ZNF676: variants seen among roughly 807,000 people sequenced by gnomAD.
The protein encoded by ZNF676 is zinc finger protein 676.
Under a neutral mutation model 6.0 loss-of-function variants are expected in ZNF676, and 4 were observed. The ratio of observed to expected loss-of-function variants is 0.67; its 90% CI spans 0.33 to 1.53. The LOEUF is 1.53. Ranked by LOEUF, ZNF676 falls within the 40% of genes most tolerant of loss-of-function variation. ZNF676 has a pLI of 0.06. For synonymous variants in ZNF676, 198 were observed against 223.1 expected, an observed-to-expected ratio of 0.89 and a Z score of 1.00; for missense variants, 644 against 679.7, an observed-to-expected ratio of 0.95 and a Z score of 0.58.
At chr19:22,190,731 A>G (rs1349251230) in intron 2 of ZNF676, among the ~76,000 whole-genome samples, 1 of 144,298 alleles carries the variant, frequency 6.9e-6, no homozygotes, top group African/African-American at 2.5e-5. Flanking sequence ...ATTACTGTAA[A>G]CTAATAAAGG....
At chr19:22,240,180 G>A in the ZNF676 span, among the ~76,000 whole-genome samples, 1 of 152,188 alleles carries the variant, frequency 6.6e-6, no homozygotes, top group African/African-American at 2.4e-5. Context: ...TGGGACCAAA[G>A]ATATGTATCA....
the ZNF676 span, among the ~76,000 whole-genome samples, chr19:22,249,143 G>A: frequency 6.6e-6 from 1 of 152,160 alleles, no homozygotes; most frequent in Non-Finnish European, 1.5e-5. Context: ...TATCTCATGT[G>A]ACATAAGTAA....
intron 2 of ZNF676, among the ~76,000 whole-genome samples, chr19:22,191,175 G>C (rs938662806): frequency 3.3e-5 from 5 of 152,160 alleles, no homozygotes; most frequent in African/African-American, 1.2e-4. Flanking sequence ...CTTTAAGAGA[G>C]CTTTGAGATC....
the ZNF676 span, among the ~76,000 whole-genome samples, chr19:22,231,977 A>G: frequency 6.6e-6 from 1 of 152,150 alleles, no homozygotes; most frequent in Non-Finnish European, 1.5e-5. Context: ...GAGACAAAAC[A>G]AGCCATTACA....
At chr19:22,188,153 GC>G (rs1201787232) in intron 2 of ZNF676, among the ~76,000 whole-genome samples, 1 of 151,974 alleles carries the variant, frequency 6.6e-6, no homozygotes, top group Non-Finnish European at 1.5e-5. Flanking sequence ...ACATCAAAAA[GC>G]TTATCCACCA....
chr19:22,180,414 T>C lies in ZNF676; in HGVS notation c.1303A>G (p.Ser435Gly), dbSNP rs2023717998. The C allele has an allele frequency of 6.2e-7, 1 of 1,613,676 alleles. No homozygotes were observed. The highest frequency in any genetic ancestry group is 8.5e-7 in the Non-Finnish European group (1 of 1,179,858). Residue 435 changes from serine to glycine, a missense_variant, in exon 3 of 3, where the codon AGC (serine) becomes GGC (glycine). By Grantham distance (56) the Ser-to-Gly change is moderately conservative. This residue lies in a region of ZNF676 where 306 missense variants were observed against 265.4 expected (regional missense o/e 1.15). Transcript: ENST00000397121. ...TGAATTCTCTTGTGTTCAGTAAGGC[T>C]TGAGGACCAGCTGAAGGCTTTGCCA... is the stretch of plus-strand genomic sequence containing the variant. The part of the protein sequence containing the change: ...ECGKAFSWSS[S>G]LTEHKRIHAG...
At chr19:22,251,590 C>A in the ZNF676 span, among the ~76,000 whole-genome samples, 1 of 152,018 alleles carries the variant, frequency 6.6e-6, no homozygotes, top group Admixed American at 6.6e-5. Flanking sequence ...GGGTTCGAGA[C>A]CAGCCTGGCC....
At chr19:22,194,677 T>A (rs1276825850) in intron 1 of ZNF676, among the ~76,000 whole-genome samples, 1 of 151,994 alleles carries the variant, frequency 6.6e-6, no homozygotes, top group East Asian at 1.9e-4. Context: ...ACAATGGACA[T>A]CATTGGGCGA....
chr19:22,259,147 C>G, the ZNF676 span, among the ~76,000 whole-genome samples: 1 of 152,170 alleles, frequency 6.6e-6, no homozygotes, highest in Non-Finnish European at 1.5e-5. Flanking sequence ...AGAACAGTAA[C>G]ATCTCCTAGG....
upstream of ZNF676, among the ~76,000 whole-genome samples, chr19:22,220,205 C>T (rs180872745): frequency 1.4e-4 from 21 of 152,150 alleles, no homozygotes; most frequent in Non-Finnish European, 2.4e-4. Flanking sequence ...TAATATGTTG[C>T]TGTGTTTGGT....
the ZNF676 span, among the ~76,000 whole-genome samples, chr19:22,237,197 A>G: frequency 1.3e-5 from 2 of 152,160 alleles, no homozygotes; most frequent in African/African-American, 4.8e-5. Context: ...CATTAAGCCA[A>G]GGGGCATCAG....
rs145894434 is a variant in ZNF676, at chr19:22,182,488, A to G, written c.131-902T>C. Among the ~76,000 whole-genome samples the G allele has an allele frequency of 5.3e-3, 806 of 151,630 alleles. 5 individuals carry two copies. The highest frequency in any genetic ancestry group is 0.018 in the African/African-American group (763 of 41,452). On this transcript the variant is annotated intron_variant, in intron 2 of 2. Transcript: ENST00000397121. ...GAAGCAGGAACACAAAAGACTATAG[A>G]AAATGAGAAAAATGAGGATAAGAAC... is the stretch of plus-strand genomic sequence containing the variant.
the ZNF676 span, among the ~76,000 whole-genome samples, chr19:22,237,892 A>G: frequency 6.6e-6 from 1 of 152,166 alleles, no homozygotes; most frequent in Admixed American, 6.5e-5. Flanking sequence ...GAGGCTGTGC[A>G]TACATCTTTC....
chr19:22,209,809 C>A (rs1294206297), intron 1 of ZNF676, among the ~76,000 whole-genome samples: 3 of 152,120 alleles, frequency 2.0e-5, no homozygotes, highest in Non-Finnish European at 4.4e-5. Flanking sequence ...GTGGAGAAAA[C>A]AGGATGCTAC....
intron 1 of ZNF676, among the ~76,000 whole-genome samples, chr19:22,214,729 T>C (rs1290075252): frequency 6.6e-6 from 1 of 151,216 alleles, no homozygotes; most frequent in Non-Finnish European, 1.5e-5. Flanking sequence ...GAAATTTCCA[T>C]CTTCATGTTA....
Position 22,181,587 on chromosome 19 carries a change from C to A in ZNF676, c.131-1G>T. On this transcript the variant is annotated splice_acceptor_variant, in intron 2 of 2. Transcript: ENST00000397121. LOFTEE classifies it high-confidence loss of function. ...TCTTGGGAAAAATGAGAACATATAA[C>A]TGAAAAGAAATAAAAATAACAAATT... 6.5e-7 allele frequency: 1 copy of A among 1,535,318 alleles called. No individual in the cohort carries two copies.
chr19:22,213,707 T>C (rs2024155391), intron 1 of ZNF676, among the ~76,000 whole-genome samples: 1 of 152,140 alleles, frequency 6.6e-6, no homozygotes, highest in Non-Finnish European at 1.5e-5. Flanking sequence ...ATACCTCTGG[T>C]TGTCTTATGG....
rs144833243 is a variant in ZNF676 at position 22,184,826 on chromosome 19, G to GAAAAAAAA, written c.131-3248_131-3241dup. ...CCTCCTCTTTGGGCAGGGCATCTTT[G>GAAAAAAAA]AAAAAAAAAAAAAAAAAAAAAAAAA... On this transcript the variant is annotated intron_variant, in intron 2 of 2. Transcript: ENST00000397121. Among the ~76,000 whole-genome samples the GAAAAAAAA allele has an allele frequency of 2.6e-3, 136 of 52,686 alleles. 7 individuals carry two copies. Among genetic ancestry groups the GAAAAAAAA allele is most frequent in the African/African-American group, 0.01 (131 of 12,568 alleles). 34.6% of individuals were successfully genotyped at this position (52,686 alleles called of 152,430 possible). A position where few individuals can be genotyped will look rare whatever the true frequency, so the allele number is the denominator to read the frequency against.
At chr19:22,204,297 G>T (rs1176713348) in intron 1 of ZNF676, among the ~76,000 whole-genome samples, 1 of 152,062 alleles carries the variant, frequency 6.6e-6, no homozygotes, top group African/African-American at 2.4e-5. Flanking sequence ...ATAATTTTAT[G>T]TACTAGTCAT....
Sources: allele counts gnomAD v4.1 joint callset (sites outside exome capture counted in the v4.1 genomes callset), GRCh38; gene constraint gnomAD v4.1.1; regional missense constraint gnomAD v4.1.1; transcripts MANE v1.5; gene names NCBI Gene and HGNC (gene_info 2026-07-23, HGNC 2026-07-21).